The following FARP2 variants were observed in gnomAD, a reference collection of about 807,000 sequenced individuals.
The protein encoded by FARP2 is FERM, ARHGEF and pleckstrin domain-containing protein 2.
A neutral mutation model predicts 130.5 loss-of-function variants in FARP2; 111 were observed. The ratio of observed to expected loss-of-function variants is 0.85; its 90% CI spans 0.73 to 1.00. The LOEUF is 1.00. FARP2 is among the 50% of genes least tolerant of loss of function. The pLI, the probability that FARP2 is intolerant of heterozygous loss-of-function variation, is 0.00. For missense variants in FARP2, 1,385 were observed against 1,346.3 expected, an observed-to-expected ratio of 1.03 and a Z score of -0.45; for synonymous variants, 504 against 516.9, an observed-to-expected ratio of 0.98 and a Z score of 0.34.
intron 2 of FARP2, among the ~76,000 whole-genome samples, chr2:241,391,396 T>C (rs2061900770): frequency 6.6e-6 from 1 of 152,164 alleles, no homozygotes. Context: ...GGTGTGTCCT[T>C]CTTGATGTGC....
chr2:241,483,440 A>G, intron 19 of FARP2, 25 bp from the exon 20 acceptor site: 1 of 1,610,338 alleles, frequency 6.2e-7, no homozygotes, highest in Non-Finnish European at 8.5e-7. Context: ...GCCCGCTGAA[A>G]GGGGACTCTG....
chr2:241,425,019 G>A (rs1284277386), intron 8 of FARP2, among the ~76,000 whole-genome samples: 1 of 151,952 alleles, frequency 6.6e-6, no homozygotes, highest in Non-Finnish European at 1.5e-5. Flanking sequence ...ACCAGCCTGG[G>A]GCCAACATGG....
chr2:241,377,641 C>T (rs1575472637), intron 2 of FARP2, among the ~76,000 whole-genome samples: 1 of 152,188 alleles, frequency 6.6e-6, no homozygotes, highest in African/African-American at 2.4e-5. Context: ...CTGCGCCTGG[C>T]CATCTGGTGT....
At chr2:241,374,045 C>T (rs1461836575) in intron 2 of FARP2, among the ~76,000 whole-genome samples, 17 of 143,718 alleles carry the variant, frequency 1.2e-4, no homozygotes, top group African/African-American at 4.1e-4. Flanking sequence ...GGGTGTTGTT[C>T]TGTCAACCCA....
intron 14 of FARP2, 93 bp downstream of exon 14, chr2:241,457,015 C>T (rs748013829): frequency 4.4e-5 from 53 of 1,214,084 alleles, no homozygotes; most frequent in Middle Eastern, 2.9e-4. Flanking sequence ...GACCCTGGGG[C>T]GGGGCAGGGA....
At position 241,434,291 on chromosome 2, in the gene FARP2, T is replaced by G. The variant is rs2063163907; in HGVS notation, c.1001T>G (p.Phe334Cys). 1 of 1,612,976 alleles carries G rather than the reference T, an allele frequency of 6.2e-7. No individual in the cohort carries two copies. Among genetic ancestry groups the G allele is most frequent in the Non-Finnish European group, 8.5e-7 (1 of 1,179,724 alleles). The change falls in exon 10 of 27, where the codon TTC becomes TGC. Residue 334 changes from phenylalanine (F) to cysteine (C), a missense_variant. By Grantham distance (205) the Phe-to-Cys change is radical. Transcript: ENST00000264042. ...CCTAAGCCAAAAGCAAAAGCCGTCT[T>G]CTTCAGCCGGGGCTCCTCCTTCAGA... ...DQPKPKAKAVFFSRGSSFRYS... is the reference protein window; with the variant it reads ...DQPKPKAKAVCFSRGSSFRYS...
In FARP2 at chr2:241,491,460, T is replaced by A. The variant is rs989229942; in HGVS notation, c.2624-56T>A. On this transcript the variant is annotated intron_variant, in intron 23 of 26. Transcript: ENST00000264042. The stretch of plus-strand genomic sequence containing the variant: ...AGAGGAACCCAAGGGGTGGAAGTAT[T>A]TGGCAAGCAGAGGCCACAGGGGGTT... 3.8e-6 allele frequency: 6 copies of A among 1,595,242 alleles called. No individual in the cohort carries two copies. In the Admixed American group the frequency reaches 1.0e-4, roughly 27 times the overall value.
chr2:241,475,919 A>T lies in FARP2; in HGVS notation c.2194A>T (p.Asn732Tyr). ...TLQHILIRLE[N>Y]LQKLTELQRD... ...ACAGCACATTCTCATCCGGCTGGAG[A>T]ACCTGCAGAAGCTAACGGAGCTGCA... The change falls in exon 19 of 27, where the codon AAC becomes TAC. Residue 732 changes from asparagine to tyrosine, a missense_variant. Transcript: ENST00000264042. The surrounding 1 kb of genome is among the most constrained non-coding windows in gnomAD (Gnocchi z 4.4). The T allele has an allele frequency of 6.2e-7, 1 of 1,614,064 alleles. No individual in the cohort carries two copies. The highest frequency in any genetic ancestry group is 8.5e-7 in the Non-Finnish European group (1 of 1,179,972).
rs539553205 is a variant in FARP2 at position 241,492,993 on chromosome 2, T to A, written c.2852T>A (p.Val951Asp). ...KNSHGWQKLW[V>D]VFTNFCLFFY... ...AGTCATGGCTGGCAGAAGCTCTGGG[T>A]CGTCTTTACCAACTTCTGTTTGTTC... is the stretch of plus-strand genomic sequence containing the variant. Residue 951 changes from valine to aspartate, a missense_variant, in exon 25 of 27, where the codon GTC (valine) becomes GAC (aspartate). Val to Asp is a radical substitution (Grantham distance 152). Transcript: ENST00000264042. The A allele has an allele frequency of 3.7e-6, 6 of 1,612,144 alleles. No individual in the cohort carries two copies. The highest frequency in any genetic ancestry group is 5.1e-6 in the Non-Finnish European group (6 of 1,178,364).
chr2:241,385,107 A>T (rs565294496), intron 2 of FARP2, among the ~76,000 whole-genome samples: 5 of 152,350 alleles, frequency 3.3e-5, no homozygotes, highest in Non-Finnish European at 7.3e-5. Flanking sequence ...ATCAGCTCTT[A>T]GTAAAACACA....
intron 22 of FARP2, 137 bp from the exon 23 acceptor site, chr2:241,490,924 C>A (rs919883020): frequency 1.4e-6 from 1 of 710,780 alleles, no homozygotes; most frequent in Non-Finnish European, 2.6e-6. Flanking sequence ...GGAGGGGACA[C>A]GTTTCCCAGT....
chr2:241,403,948 G>T lies in FARP2; in HGVS notation c.288+16G>T. On this transcript the variant is annotated intron_variant, in intron 3 of 26. Transcript: ENST00000264042. ...GTCCTACTGGGTAAGTGCTTATGAC[G>T]TGCCCAGGCGTGGAGCCTTTGGGCC... 6.9e-7 allele frequency: 1 copy of T among 1,445,788 alleles called. No homozygotes were observed. Among genetic ancestry groups the T allele is most frequent in the Non-Finnish European group, 9.7e-7 (1 of 1,026,652 alleles). 89.6% of individuals were successfully genotyped at this position (1,445,788 alleles called of 1,614,324 possible).
At chr2:241,389,585 A>G (rs1309696448) in intron 2 of FARP2, among the ~76,000 whole-genome samples, 1 of 152,182 alleles carries the variant, frequency 6.6e-6, no homozygotes, top group Non-Finnish European at 1.5e-5. Flanking sequence ...AAAACAACCC[A>G]ATTTAAAATC....
At chr2:241,422,710 A>G (rs576513679) in intron 8 of FARP2, among the ~76,000 whole-genome samples, 16 of 152,202 alleles carry the variant, frequency 1.1e-4, no homozygotes, top group Non-Finnish European at 2.4e-4. Flanking sequence ...ACCCAATGCA[A>G]AGAAGCTAAG....
At chr2:241,378,273 T>G (rs1305177463) in intron 2 of FARP2, among the ~76,000 whole-genome samples, 1 of 150,704 alleles carries the variant, frequency 6.6e-6, no homozygotes, top group East Asian at 2.0e-4. Flanking sequence ...GGCTAATATT[T>G]TTTTTTTTTG....
chr2:241,432,409 G>A (rs939094352), intron 9 of FARP2, among the ~76,000 whole-genome samples: 4 of 152,146 alleles, frequency 2.6e-5, no homozygotes, highest in Admixed American at 2.0e-4. Context: ...AGCTCCTAGG[G>A]GTTGCTAAGA....
intron 12 of FARP2, among the ~76,000 whole-genome samples, chr2:241,437,808 G>T (rs1476297232): frequency 6.6e-6 from 1 of 151,908 alleles, no homozygotes; most frequent in Non-Finnish European, 1.5e-5. Flanking sequence ...GGGACTGCAG[G>T]TGCCCGCCAC....
intron 21 of FARP2, among the ~76,000 whole-genome samples, chr2:241,487,897 G>A (rs1411404695): frequency 2.7e-5 from 4 of 150,548 alleles, no homozygotes; most frequent in African/African-American, 9.7e-5. Context: ...ACAGGCGCCC[G>A]CCACCACGCC....
chr2:241,438,715 C>T (rs1456839064), intron 12 of FARP2, among the ~76,000 whole-genome samples: 4 of 151,266 alleles, frequency 2.6e-5, no homozygotes, highest in South Asian at 2.1e-4. Flanking sequence ...CTGCAAGCTC[C>T]GCCTCCCGGG....
Sources: gnomAD v4.1 joint callset for allele counts (sites outside exome capture counted in the v4.1 genomes callset) on GRCh38, gnomAD v4.1.1 for gene constraint, Gnocchi (gnomAD v3.1) non-coding constraint, MANE v1.5 for transcripts, NCBI Gene and HGNC (gene_info 2026-07-23, HGNC 2026-07-21) for gene names.